The following KRT77 variants were observed in gnomAD, a reference collection of about 807,000 sequenced individuals.
KRT77 encodes keratin, type II cytoskeletal 1b.
In KRT77, 44 loss-of-function variants were observed where a neutral mutation model predicts 51.5. That is an observed-to-expected ratio of 0.85 (90% CI 0.67 to 1.10). KRT77 has a LOEUF of 1.10. KRT77 is among the 50% of genes least tolerant of loss of function. KRT77 has a pLI of 0.00. For missense variants in KRT77, 763 were observed against 743.9 expected, an observed-to-expected ratio of 1.03 and a Z score of -0.30; for synonymous variants, 293 against 302.0, an observed-to-expected ratio of 0.97 and a Z score of 0.31.
chr12:52,692,316 A>G, intron 7 of KRT77, 105 bp downstream of exon 7: 1 of 1,308,034 alleles, frequency 7.6e-7, no homozygotes, highest in Non-Finnish European at 1.1e-6. Flanking sequence ...TGGGCTACCA[A>G]TCTTCCCAAA....
At chr12:52,696,266 C>T (rs1238732546) in intron 3 of KRT77, 104 bp downstream of exon 3, 35 of 1,090,376 alleles carry the variant, frequency 3.2e-5, no homozygotes, top group Non-Finnish European at 4.5e-5. Flanking sequence ...GCAAGCCGGC[C>T]GTAGAGGCCA....
intron 1 of KRT77, among the ~76,000 whole-genome samples, chr12:52,702,056 A>G (rs1349661597): frequency 1.3e-5 from 2 of 152,050 alleles, no homozygotes; most frequent in Non-Finnish European, 2.9e-5. Context: ...CTGAGAACCC[A>G]TTTAACTCGT....
chr12:52,693,004 A>G, intron 5 of KRT77, 124 bp from the exon 6 acceptor site: 1 of 1,086,128 alleles, frequency 9.2e-7, no homozygotes, highest in South Asian at 1.5e-5. Context: ...GGTCACCCCT[A>G]CATGCATACT....
At position 52,703,387 on chromosome 12, in the gene KRT77, C is replaced by G. The variant is rs776190184; in HGVS notation, c.48G>C (p.Arg16Ser). 1 of 1,611,032 alleles carries G rather than the reference C, an allele frequency of 6.2e-7. No individual in the cohort carries two copies. Among genetic ancestry groups the G allele is most frequent in the African/African-American group, 1.3e-5 (1 of 74,792 alleles). ...CAGAAGAGCTGGTACTATAAACCCG[C>G]CTGCTCATTGAACTAAACGCGGACT... ...SSQSAFSSMS[R>S]RVYSTSSSAG... Residue 16 changes from arginine (R) to serine (S), a missense_variant, in exon 1 of 9, where the codon AGG (arginine) becomes AGC (serine). Transcript: ENST00000341809.
In KRT77 at chr12:52,697,720, GACCTCC is replaced by G. The variant is rs573529190; in HGVS notation, c.714_719del (p.Glu239_Val240del). ...CCTCCACGACATCCTGCATGCTCCTGACCTCCGCGTTCTGGCGCATCTGCTCCGCAC... is the reference window on the plus strand; with the variant it reads ...CCTCCACGACATCCTGCATGCTCCTGGCGTTCTGGCGCATCTGCTCCGCAC... On this transcript the variant is annotated inframe_deletion, in exon 2 of 9. Coordinates refer to ENST00000341809, the MANE Select transcript of KRT77 (RefSeq NM_175078.3). The G allele has an allele frequency of 1.2e-6, 2 of 1,614,008 alleles. No homozygotes were observed. The highest frequency in any genetic ancestry group is 1.7e-6 in the Non-Finnish European group (2 of 1,179,974).
chr12:52,695,956 A>T lies in KRT77; in HGVS notation c.820-89T>A, dbSNP rs1592273056. 13 of 817,148 alleles carry T rather than the reference A, an allele frequency of 1.6e-5. No individual in the cohort carries two copies. The East Asian group carries it at 3.2e-4, about 20-fold the overall frequency. The allele number at this position is 817,148 out of a possible 1,614,324, so 50.6% of individuals were successfully genotyped here. A position where few individuals can be genotyped will look rare whatever the true frequency, so the allele number is the denominator to read the frequency against. On this transcript the variant is annotated intron_variant, in intron 3 of 8. Coordinates refer to ENST00000341809, the MANE Select transcript of KRT77 (RefSeq NM_175078.3). ...GCTGGCTCAGGCGAGTGGCAGAGCC[A>T]CTCTAGGTTTATTTCCTTACTTAAA...
rs1412737024 is a variant in KRT77, at chr12:52,692,776, C to G, written c.1185G>C (p.Glu395Asp). 3 of 1,604,586 alleles carry G rather than the reference C, an allele frequency of 1.9e-6. No individual in the cohort carries two copies. The highest frequency in any genetic ancestry group is 4.5e-5 in the East Asian group (2 of 44,862). ...CCACCTGCTTCTTCACGTTGCTGAT[C>G]TCTGCCTGCAGCCTCTGGACGGTGC... Reference protein sequence around the residue: ...LNRTVQRLQAEISNVKKQIEQ... With the variant: ...LNRTVQRLQADISNVKKQIEQ... The change falls in exon 6 of 9, where the codon GAG becomes GAC. Residue 395 changes from glutamate (E) to aspartate (D), a missense_variant. By Grantham distance (45) the Glu-to-Asp change is conservative (BLOSUM62 2). Transcript: ENST00000341809.
chr12:52,696,367 C>T lies in KRT77; in HGVS notation c.819+3G>A, dbSNP rs1057422310. ...CCACCCTCAGGACTCCCCTTTCCCTCACCTTCTTCAGGACGACAAAGTCAT... is the reference window on the plus strand; with the variant it reads ...CCACCCTCAGGACTCCCCTTTCCCTTACCTTCTTCAGGACGACAAAGTCAT... On this transcript the variant is annotated splice_donor_region_variant and intron_variant, in intron 3 of 8. Transcript: ENST00000341809. 18 of 1,614,048 alleles carry T rather than the reference C, an allele frequency of 1.1e-5. No homozygotes were observed. The highest frequency in any genetic ancestry group is 1.6e-4 in the Middle Eastern group (1 of 6,084).
Position 52,692,911 on chromosome 12 carries a change from T to A in KRT77, c.1081-31A>T. 4 of 1,599,854 alleles carry A rather than the reference T, an allele frequency of 2.5e-6. No homozygotes were observed. The South Asian group carries it at 4.4e-5, about 18-fold the overall frequency. On this transcript the variant is annotated intron_variant, in intron 5 of 8. Transcript: ENST00000341809. Reference sequence around the variant, plus strand: ...GCCAAAGGCAGCATCATAGTCAGCATGTGCTGCCCACCACAAGCCCCTCCA... The same window carrying A: ...GCCAAAGGCAGCATCATAGTCAGCAAGTGCTGCCCACCACAAGCCCCTCCA...
At chr12:52,698,019 G>A in intron 1 of KRT77, 123 bp from the exon 2 acceptor site, 2 of 1,413,550 alleles carry the variant, frequency 1.4e-6, no homozygotes, top group Non-Finnish European at 1.9e-6. Context: ...TCCTCCAAGG[G>A]TCAGAGAGCT....
intron 1 of KRT77, among the ~76,000 whole-genome samples, chr12:52,699,666 CTT>C (rs1565654620): frequency 6.6e-6 from 1 of 152,236 alleles, no homozygotes; most frequent in African/African-American, 2.4e-5. Context: ...CTCCTCAACT[CTT>C]TGCCCAGCAA....
In KRT77 at chr12:52,695,831, C is replaced by T; in HGVS notation, c.856G>A (p.Glu286Lys). ...DAAYVSKVDLESRVDTLTGEV... is the reference protein window; with the variant it reads ...DAAYVSKVDLKSRVDTLTGEV... The stretch of plus-strand genomic sequence containing the variant: ...CCAGTCAGAGTGTCCACCCTGGACT[C>T]CAGGTCCACTTTGCTCACATAAGCA... Residue 286 changes from glutamate (E) to lysine (K), a missense_variant, in exon 4 of 9, where the codon GAG (glutamate) becomes AAG (lysine). By Grantham distance (56) the Glu-to-Lys change is moderately conservative. Transcript: ENST00000341809. The T allele has an allele frequency of 6.2e-7, 1 of 1,613,902 alleles. No homozygotes were observed. The highest frequency in any genetic ancestry group is 1.1e-5 in the South Asian group (1 of 91,066).
intron 1 of KRT77, 56 bp downstream of exon 1, chr12:52,702,836 C>T: frequency 1.3e-6 from 2 of 1,555,150 alleles, no homozygotes; most frequent in South Asian, 1.1e-5. Flanking sequence ...AAGGTGTAAT[C>T]TCTCTCAGTC....
intron 8 of KRT77, among the ~76,000 whole-genome samples, 166 bp from the exon 9 acceptor site, chr12:52,691,605 C>T (rs1941710826): frequency 6.6e-6 from 1 of 152,232 alleles, no homozygotes; most frequent in African/African-American, 2.4e-5. Flanking sequence ...AAGTATTCTT[C>T]ATACTACAAA....
intron 3 of KRT77, 26 bp from the exon 4 acceptor site, chr12:52,695,893 A>T (rs772745393): frequency 4.1e-6 from 6 of 1,462,430 alleles, no homozygotes; most frequent in African/African-American, 1.4e-5. Context: ...AAACAGTTTG[A>T]CTTTATTGCC....
intron 6 of KRT77, 54 bp from the exon 7 acceptor site, chr12:52,692,695 C>T: frequency 6.3e-7 from 1 of 1,595,734 alleles, no homozygotes; most frequent in Non-Finnish European, 8.6e-7. Context: ...AGAGCTCGAT[C>T]TGGCAGGGCA....
chr12:52,701,682 C>G (rs17118196), intron 1 of KRT77, among the ~76,000 whole-genome samples: 22,010 of 152,286 alleles, frequency 0.14, 2,103 homozygotes, highest in Middle Eastern at 0.29. Context: ...GAGGTCTTCA[C>G]CATGGCGAGT....
chr12:52,700,742 G>A (rs1592275137), intron 1 of KRT77, among the ~76,000 whole-genome samples: 1 of 152,214 alleles, frequency 6.6e-6, no homozygotes, highest in South Asian at 2.1e-4. Context: ...GCAGCTGCGG[G>A]TTGAAGGGCA....
chr12:52,697,748 G>A lies in KRT77; in HGVS notation c.692C>T (p.Ala231Val), dbSNP rs756106631. 3.9e-5 allele frequency: 63 copies of A among 1,613,882 alleles called. 1 individual carries two copies. The highest frequency in any genetic ancestry group is 5.0e-5 in the Admixed American group (3 of 60,004). The change falls in exon 2 of 9, where the codon GCG becomes GTG. Residue 231 changes from alanine (A) to valine (V), a missense_variant. Coordinates refer to ENST00000341809, the MANE Select transcript of KRT77 (RefSeq NM_175078.3). The stretch of plus-strand genomic sequence containing the variant: ...CTCCGCGTTCTGGCGCATCTGCTCC[G>A]CACTGAGCAAATCCACCTGCCTCCG... ...DLRRQVDLLS[A>V]EQMRQNAEVR... is the part of the protein sequence containing the mutation.
Sources: gnomAD v4.1 joint callset for allele counts (sites outside exome capture counted in the v4.1 genomes callset) on GRCh38, gnomAD v4.1.1 for gene constraint, MANE v1.5 for transcripts, NCBI Gene and HGNC (gene_info 2026-07-23, HGNC 2026-07-21) for gene names.